CCNB3: variants seen among roughly 807,000 people sequenced by gnomAD.
The protein encoded by CCNB3 is cyclin B3, also known as G2/mitotic-specific cyclin-B3.
In CCNB3, 12 loss-of-function variants were observed where a neutral mutation model predicts 68.0. The observed-to-expected ratio is 0.18, with a 90% CI of 0.11 to 0.29. CCNB3 has a LOEUF of 0.29. Among genes scored for constraint, CCNB3 ranks in the 10% least tolerant of loss-of-function variants. The pLI is 1.00. For synonymous variants in CCNB3, 354 were observed against 388.9 expected (o/e 0.91, Z 1.06); for missense variants, 904 against 993.1 (o/e 0.91, Z 1.21).
chrX:50,222,736 A>T (rs1251694423), intron 1 of CCNB3, among the ~76,000 whole-genome samples: 3 of 110,659 alleles, frequency 2.7e-5, no homozygotes, highest in Non-Finnish European at 5.7e-5. Context: ...TCTGATGATT[A>T]TGTGTCTTGG....
chrX:50,320,314 AT>A (rs1275334361), intron 8 of CCNB3, among the ~76,000 whole-genome samples: 1 of 110,974 alleles, frequency 9.0e-6, no homozygotes, highest in Non-Finnish European at 1.9e-5. Flanking sequence ...TTATAAGGTT[AT>A]TTAAGTTATC....
At chrX:50,308,452 G>C (rs989614612) in intron 5 of CCNB3, 53 bp from the exon 6 acceptor site, 2 of 813,688 alleles carry the variant, frequency 2.5e-6, no homozygotes, top group East Asian at 6.9e-5. Flanking sequence ...GAAATGGTAG[G>C]TGAGGATTCT....
intron 8 of CCNB3, among the ~76,000 whole-genome samples, chrX:50,339,184 C>A (rs1162795395): frequency 8.9e-6 from 1 of 112,229 alleles, no homozygotes; most frequent in Admixed American, 9.4e-5. Flanking sequence ...ATGACATGTG[C>A]CCAAGGTAGT....
chrX:50,325,358 G>A (rs782723445), intron 8 of CCNB3, among the ~76,000 whole-genome samples: 1 of 111,913 alleles, frequency 8.9e-6, no homozygotes, highest in East Asian at 2.8e-4. Context: ...AGCCTTCAGT[G>A]TAAAACAAAG....
intron 5 of CCNB3, among the ~76,000 whole-genome samples, chrX:50,295,799 A>G (rs1322031631): frequency 9.0e-6 from 1 of 111,447 alleles, no homozygotes; most frequent in Non-Finnish European, 1.9e-5. Flanking sequence ...AACACATACC[A>G]GTACTATTGT....
intron 1 of CCNB3, among the ~76,000 whole-genome samples, chrX:50,226,212 TTA>T (rs1214064699): frequency 8.1e-5 from 5 of 61,424 alleles, no homozygotes; most frequent in Admixed American, 2.7e-4. Flanking sequence ...ATATATATAT[TTA>T]TATATATAGA....
intron 1 of CCNB3, among the ~76,000 whole-genome samples, chrX:50,225,906 AGAT>A (rs1352758855): frequency 9.7e-6 from 1 of 103,184 alleles, no homozygotes; most frequent in Non-Finnish European, 2.0e-5. Flanking sequence ...GCCAGCTTTT[AGAT>A]GATATTTAAA....
intron 8 of CCNB3, among the ~76,000 whole-genome samples, chrX:50,336,994 A>G (rs2147094330): frequency 9.0e-6 from 1 of 111,512 alleles, no homozygotes; most frequent in East Asian, 2.8e-4. Context: ...TTTCGGTGTA[A>G]GTTGGAGTAT....
intron 1 of CCNB3, among the ~76,000 whole-genome samples, chrX:50,228,743 T>C (rs1402198589): frequency 1.6e-5 from 1 of 61,837 alleles, no homozygotes; most frequent in Non-Finnish European, 2.9e-5. Flanking sequence ...TATAGAAACA[T>C]ATAGAATATA....
At chrX:50,348,456 C>T (rs143434259) in intron 11 of CCNB3, among the ~76,000 whole-genome samples, 75 of 111,784 alleles carry the variant, frequency 6.7e-4, no homozygotes, top group Non-Finnish European at 1.2e-3. Flanking sequence ...CTGAGCTCCT[C>T]CTACCTAAAA....
intron 5 of CCNB3, among the ~76,000 whole-genome samples, chrX:50,296,458 T>C (rs1333112648): frequency 5.7e-5 from 3 of 52,194 alleles, no homozygotes; most frequent in African/African-American, 2.3e-4. Context: ...GGACATGAAC[T>C]CATCATTTTT....
rs782668756 is a variant in CCNB3, at chrX:50,308,496, C to T, written c.336-9C>T. 8.9e-7 allele frequency: 1 copy of T among 1,129,602 alleles called. No individual in the cohort carries two copies. Among genetic ancestry groups the T allele is most frequent in the Non-Finnish European group, 1.2e-6 (1 of 833,932 alleles). 93.1% of individuals were successfully genotyped at this position (1,129,602 alleles called of 1,213,427 possible). ...CATTTTTCTTACCCAGACATTGTTT[C>T]CTTCACAGGCATAAGCTGGAAGTCA... is the stretch of plus-strand genomic sequence containing the variant. On this transcript the variant is annotated splice_polypyrimidine_tract_variant and intron_variant, in intron 5 of 12. Transcript: ENST00000376042.
intron 1 of CCNB3, among the ~76,000 whole-genome samples, chrX:50,279,175 GAATAT>G (rs1195531926): frequency 8.3e-4 from 1 of 1,209 alleles, no homozygotes; most frequent in Non-Finnish European, 1.3e-3. Context: ...ATATATATAT[GAATAT>G]AATATATTCT....
At chrX:50,280,194 G>T (rs1345669369) in intron 1 of CCNB3, among the ~76,000 whole-genome samples, 2 of 43,797 alleles carry the variant, frequency 4.6e-5, no homozygotes, top group Admixed American at 2.8e-4. Flanking sequence ...AATATATATA[G>T]AACATATAAA....
chrX:50,311,422 A>G lies in CCNB3; in HGVS notation c.3253A>G (p.Thr1085Ala). 8.3e-7 allele frequency: 1 copy of G among 1,211,178 alleles called. No individual in the cohort carries two copies. Among genetic ancestry groups the G allele is most frequent in the Non-Finnish European group, 1.1e-6 (1 of 895,385 alleles). Residue 1085 changes from threonine (T) to alanine (A), a missense_variant, in exon 6 of 13, where the codon ACC becomes GCC. By Grantham distance (58) the Thr-to-Ala change is moderately conservative. Around this residue, in one of 2 missense-constraint regions of CCNB3, gnomAD observed 285 missense variants for 383.4 expected, o/e 0.74. Transcript: ENST00000376042. ...TMTSVGKSRTTTESSACESAS... is the reference protein window; with the variant it reads ...TMTSVGKSRTATESSACESAS... ...GACCAGCGTGGGCAAGTCCAGGACC[A>G]CCACCGAGTCCAGTGCATGTGAATC...
At chrX:50,339,926 T>C (rs1557219316) in intron 8 of CCNB3, among the ~76,000 whole-genome samples, 1 of 110,958 alleles carries the variant, frequency 9.0e-6, no homozygotes, top group African/African-American at 3.3e-5. Context: ...ACATCCCACA[T>C]TGGGGATTAC....
intron 5 of CCNB3, 136 bp downstream of exon 5, chrX:50,295,129 C>A: frequency 1.7e-6 from 1 of 592,717 alleles, no homozygotes; most frequent in Non-Finnish European, 2.5e-6. Flanking sequence ...GTGGGCTCAG[C>A]TGTGGTTGCT....
chrX:50,290,739 G>A (rs1311165081), intron 4 of CCNB3, among the ~76,000 whole-genome samples: 1 of 111,360 alleles, frequency 9.0e-6, no homozygotes, highest in Middle Eastern at 4.2e-3. Flanking sequence ...ATATCCCCAT[G>A]GGGTTAGGGG....
intron 1 of CCNB3, among the ~76,000 whole-genome samples, chrX:50,228,457 T>A (rs1935969288): frequency 1.1e-5 from 1 of 91,876 alleles, no homozygotes; most frequent in Non-Finnish European, 2.1e-5. Flanking sequence ...ATAGAATATA[T>A]ATAGAGGATA....
Sources: allele counts gnomAD v4.1 joint callset (sites outside exome capture counted in the v4.1 genomes callset), GRCh38; gene constraint gnomAD v4.1.1; regional missense constraint gnomAD v4.1.1; transcripts MANE v1.5; gene names NCBI Gene and HGNC (gene_info 2026-07-23, HGNC 2026-07-21).